Variants in ATOSA observed in about 807,000 individuals in gnomAD.
The protein encoded by ATOSA is atos homolog A, also known as atos homolog protein A.
At chr15:52,584,575 A>G in the ATOSA span, among the ~76,000 whole-genome samples, 1 of 152,146 alleles carries the variant, frequency 6.6e-6, no homozygotes, top group Non-Finnish European at 1.5e-5. Flanking sequence ...AATGACCACC[A>G]CAGGAAGGTA....
the ATOSA span, among the ~76,000 whole-genome samples, chr15:52,647,709 G>T: frequency 6.6e-6 from 1 of 152,236 alleles, no homozygotes; most frequent in Middle Eastern, 3.4e-3. Context: ...AAAGGGGTGG[G>T]GGAAATCTGG....
At chr15:52,658,572 T>TA in the ATOSA span, 268,368 of 394,114 alleles carry the variant, frequency 0.68, 97,051 homozygotes, top group Non-Finnish European at 0.78. Context: ...TTAATGGGAA[T>TA]AAATTTTCAT....
chr15:52,672,172 CAA>C, the ATOSA span, among the ~76,000 whole-genome samples: 72 of 62,586 alleles, frequency 1.2e-3, no homozygotes, highest in Middle Eastern at 0.032. Context: ...CCCCATTTCT[CAA>C]AAAAAAAAAA....
At chr15:52,690,502 A>G in the ATOSA span, among the ~76,000 whole-genome samples, 1 of 152,260 alleles carries the variant, frequency 6.6e-6, no homozygotes, top group Non-Finnish European at 1.5e-5. Context: ...GGATATTTAT[A>G]TCAAAGTACA....
the ATOSA span, among the ~76,000 whole-genome samples, chr15:52,700,502 A>G: frequency 6.6e-6 from 1 of 152,200 alleles, no homozygotes; most frequent in African/African-American, 2.4e-5. Context: ...CCACTTCAAA[A>G]CATAGCTTTC....
At chr15:52,650,373 A>G in the ATOSA span, among the ~76,000 whole-genome samples, 1 of 152,214 alleles carries the variant, frequency 6.6e-6, no homozygotes, top group African/African-American at 2.4e-5. Context: ...TGCACCTTAC[A>G]AACTTGAAAA....
At chr15:52,596,185 G>T in the ATOSA span, among the ~76,000 whole-genome samples, 4 of 151,920 alleles carry the variant, frequency 2.6e-5, no homozygotes, top group African/African-American at 9.7e-5. Context: ...ACAAATAAAA[G>T]AATATATAAA....
the ATOSA span, among the ~76,000 whole-genome samples, chr15:52,632,638 T>G: frequency 6.6e-6 from 1 of 152,228 alleles, no homozygotes; most frequent in South Asian, 2.1e-4. Flanking sequence ...GGTTAGTATT[T>G]GACCTTTAAA....
At chr15:52,590,715 A>G in the ATOSA span, 124 of 152,374 alleles carry the variant, frequency 8.1e-4, no homozygotes, top group African/African-American at 2.9e-3. Flanking sequence ...CCTGAGGAAC[A>G]AAATTAATTC....
At chr15:52,608,475 ACCTTGGG>A in the ATOSA span, 1 of 1,270,050 alleles carries the variant, frequency 7.9e-7, no homozygotes, top group Non-Finnish European at 1.1e-6. Flanking sequence ...AGATAATGGA[ACCTTGGG>A]CCTTTATAAC....
chr15:52,609,899 A>G, the ATOSA span: 1 of 1,611,924 alleles, frequency 6.2e-7, no homozygotes, highest in African/African-American at 1.3e-5. Flanking sequence ...ACCATTGAAA[A>G]TGATTTTAAA....
the ATOSA span, among the ~76,000 whole-genome samples, chr15:52,681,841 T>C: frequency 6.6e-6 from 1 of 152,232 alleles, no homozygotes; most frequent in Admixed American, 6.5e-5. Flanking sequence ...CTGTAATGAC[T>C]GTCTCTAAGT....
At chr15:52,696,870 C>T in the ATOSA span, among the ~76,000 whole-genome samples, 7 of 151,234 alleles carry the variant, frequency 4.6e-5, no homozygotes, top group Non-Finnish European at 8.8e-5. Flanking sequence ...TAATATTTAA[C>T]CTAATATAAA....
At chr15:52,609,173 G>T in the ATOSA span, 2 of 1,613,336 alleles carry the variant, frequency 1.2e-6, no homozygotes, top group South Asian at 2.2e-5. Context: ...TTTCTTGTTT[G>T]ATGTTTCAAA....
the ATOSA span, among the ~76,000 whole-genome samples, chr15:52,628,484 G>A: frequency 6.6e-6 from 1 of 152,068 alleles, no homozygotes; most frequent in Admixed American, 6.6e-5. Flanking sequence ...AATAAAATGG[G>A]TACTAATACC....
chr15:52,676,137 T>G, the ATOSA span, among the ~76,000 whole-genome samples: 1 of 152,206 alleles, frequency 6.6e-6, no homozygotes, highest in Non-Finnish European at 1.5e-5. Context: ...CGTGAACATT[T>G]TTTAAATGTC....
At chr15:52,698,084 C>G in the ATOSA span, among the ~76,000 whole-genome samples, 1 of 146,400 alleles carries the variant, frequency 6.8e-6, no homozygotes, top group Non-Finnish European at 1.5e-5. Context: ...TCAAGTGATT[C>G]TCCTGCCTCA....
At chr15:52,639,602 A>C in the ATOSA span, among the ~76,000 whole-genome samples, 2 of 152,298 alleles carry the variant, frequency 1.3e-5, 1 homozygote, top group South Asian at 4.1e-4. Context: ...AGCTGAAAAA[A>C]CAGTTGAATT....
At chr15:52,671,303 C>A in the ATOSA span, among the ~76,000 whole-genome samples, 11 of 152,108 alleles carry the variant, frequency 7.2e-5, no homozygotes, top group African/African-American at 2.7e-4. Flanking sequence ...GTGATAACAG[C>A]CTAACAGTCA....
Sources: allele counts gnomAD v4.1 joint callset (sites outside exome capture counted in the v4.1 genomes callset), GRCh38; gene constraint gnomAD v4.1.1; transcripts MANE v1.5; gene names NCBI Gene and HGNC (gene_info 2026-07-23, HGNC 2026-07-21).